Variants in SCARA5 observed in about 807,000 individuals in gnomAD.
SCARA5 encodes scavenger receptor class A, member 5 (putative).
SCARA5 carries 45 observed loss-of-function variants against 46.3 expected under a neutral mutation model. That is an observed-to-expected ratio of 0.97 (90% CI 0.76 to 1.24). The LOEUF (loss-of-function observed/expected upper bound fraction) is 1.24, where lower values mean the gene tolerates loss of function less well. Ranked by LOEUF, SCARA5 falls within the 50% of genes most tolerant of loss-of-function variation. SCARA5 has a pLI of 0.00. For missense variants in SCARA5, 680 were observed against 689.0 expected, an observed-to-expected ratio of 0.99 and a Z score of 0.15; for synonymous variants, 333 against 306.5, an observed-to-expected ratio of 1.09 and a Z score of -0.90.
chr8:27,929,003 G>A (rs529810916), intron 3 of SCARA5, among the ~76,000 whole-genome samples: 6 of 152,292 alleles, frequency 3.9e-5, no homozygotes, highest in Admixed American at 2.6e-4. Context: ...AAGCTTTGAA[G>A]GGAGTGAGTT....
At chr8:27,967,396 C>T (rs1183659925) in intron 2 of SCARA5, among the ~76,000 whole-genome samples, 1 of 152,156 alleles carries the variant, frequency 6.6e-6, no homozygotes, top group African/African-American at 2.4e-5. Flanking sequence ...TTCAAGGTGG[C>T]CTTCTCAGAT....
chr8:27,973,483 A>AT (rs1563199561), intron 2 of SCARA5, among the ~76,000 whole-genome samples: 46 of 152,246 alleles, frequency 3.0e-4, no homozygotes, highest in African/African-American at 9.9e-4. Context: ...TCTCAAATAA[A>AT]TAAATTAATT....
chr8:27,973,824 T>G (rs1420781779), intron 2 of SCARA5, among the ~76,000 whole-genome samples: 6 of 152,178 alleles, frequency 3.9e-5, no homozygotes, highest in Admixed American at 3.9e-4. Flanking sequence ...GCTTGACTTA[T>G]GGGGTGAAAA....
Position 27,879,623 on chromosome 8 carries a change from T to C in SCARA5, c.1297A>G (p.Met433Val). The C allele has an allele frequency of 1.2e-6, 2 of 1,611,934 alleles. No individual in the cohort carries two copies. The highest frequency in any genetic ancestry group is 1.7e-6 in the Non-Finnish European group (2 of 1,179,998). ...TCCTCCACACCGCGGAAGCCGAGCA[T>C]GCGGCACACCACGTCTCCGTCCTTC... ...DKKDGDVVCR[M>V]LGFRGVEEVY... Residue 433 changes from methionine to valine, a missense_variant, in exon 8 of 9, where the codon ATG becomes GTG. Around this residue, in one of 3 missense-constraint regions of SCARA5, gnomAD observed 219 missense variants for 269.5 expected, o/e 0.81. Transcript: ENST00000354914.
intron 2 of SCARA5, 76 bp from the exon 3 acceptor site, chr8:27,966,618 A>C: frequency 3.8e-4 from 546 of 1,452,166 alleles, no homozygotes; most frequent in Non-Finnish European, 4.5e-4. Context: ...TTTTGGTCTC[A>C]TCTCTCCCTG....
intron 3 of SCARA5, among the ~76,000 whole-genome samples, chr8:27,948,347 GCCCTC>G (rs1222302658): frequency 4.6e-5 from 7 of 152,170 alleles, no homozygotes; most frequent in African/African-American, 1.7e-4. Flanking sequence ...AGATATATGG[GCCCTC>G]TGGGAGGGAG....
intron 4 of SCARA5, among the ~76,000 whole-genome samples, chr8:27,912,604 A>C (rs938185147): frequency 2.6e-5 from 4 of 152,220 alleles, no homozygotes; most frequent in Admixed American, 2.0e-4. Flanking sequence ...GGCTGCAGCA[A>C]AGGGAACTGG....
At chr8:27,930,237 C>T (rs553479012) in intron 3 of SCARA5, among the ~76,000 whole-genome samples, 1 of 152,222 alleles carries the variant, frequency 6.6e-6, no homozygotes, top group African/African-American at 2.4e-5. Flanking sequence ...CGGTCTTTCT[C>T]GTGCTTTTCT....
rs76323543 is a variant in SCARA5, at chr8:27,876,310, T to C, written c.1351+3259A>G. On this transcript the variant is annotated intron_variant, in intron 8 of 8. Coordinates refer to ENST00000354914, the MANE Select transcript of SCARA5 (RefSeq NM_173833.6). ...GATCCGGGATTCTGACATGGGTGGT[T>C]TGACTCCAGGGCTGGGGCACTAACC... 5.8e-4 allele frequency among the ~76,000 whole-genome samples: 88 copies of C among 152,282 alleles called. No homozygotes were observed. The East Asian group carries it at 0.013, about 23-fold the overall frequency.
rs540739408 is a variant in SCARA5, at chr8:27,918,288, C to T, written c.916+3283G>A. Among the ~76,000 whole-genome samples the T allele has an allele frequency of 3.3e-5, 5 of 152,334 alleles. No homozygotes were observed. The South Asian group carries it at 6.2e-4, about 19-fold the overall frequency. ...TGCCAAAATCCTACCCTGCCCTCTA[C>T]AACATCTGCCTTAAACCACCTCATA... On this transcript the variant is annotated intron_variant, in intron 4 of 8. Transcript: ENST00000354914.
intron 2 of SCARA5, among the ~76,000 whole-genome samples, chr8:27,985,626 TAC>T (rs1049002082): frequency 6.6e-6 from 1 of 152,086 alleles, no homozygotes; most frequent in Non-Finnish European, 1.5e-5. Context: ...GGCAGATGAG[TAC>T]ACTGAGGCCC....
chr8:27,987,253 C>T (rs989368954), intron 2 of SCARA5, among the ~76,000 whole-genome samples: 1 of 152,196 alleles, frequency 6.6e-6, no homozygotes, highest in Non-Finnish European at 1.5e-5. Context: ...TGCTGGACCA[C>T]CATAAGACTG....
intron 7 of SCARA5, among the ~76,000 whole-genome samples, chr8:27,890,484 C>G (rs1044618535): frequency 6.6e-6 from 1 of 152,220 alleles, no homozygotes. Context: ...CTTAACATGA[C>G]ACGTGGCTGG....
intron 8 of SCARA5, among the ~76,000 whole-genome samples, chr8:27,875,958 A>G (rs1204823146): frequency 6.6e-6 from 1 of 152,198 alleles, no homozygotes; most frequent in Non-Finnish European, 1.5e-5. Context: ...CTATGATTGC[A>G]CCACTGCACT....
chr8:27,896,848 CTT>C (rs1484391138), intron 7 of SCARA5, among the ~76,000 whole-genome samples: 1 of 152,096 alleles, frequency 6.6e-6, no homozygotes, highest in Non-Finnish European at 1.5e-5. Flanking sequence ...AATCCAAACA[CTT>C]TGGGAGGCTG....
intron 3 of SCARA5, among the ~76,000 whole-genome samples, chr8:27,962,961 G>A (rs1032662991): frequency 1.4e-4 from 21 of 152,194 alleles, no homozygotes; most frequent in African/African-American, 4.3e-4. Context: ...ACTAATTTAA[G>A]GTGCAGGAGG....
At chr8:27,880,286 C>G (rs915161837) in intron 7 of SCARA5, among the ~76,000 whole-genome samples, 1 of 151,862 alleles carries the variant, frequency 6.6e-6, no homozygotes, top group Non-Finnish European at 1.5e-5. Flanking sequence ...TGGACATTGG[C>G]CTTGAAAAAG....
At chr8:27,937,863 C>G (rs527592807) in intron 3 of SCARA5, among the ~76,000 whole-genome samples, 1 of 152,168 alleles carries the variant, frequency 6.6e-6, no homozygotes, top group Non-Finnish European at 1.5e-5. Context: ...CTGGTCATAT[C>G]GGATCAGGGC....
intron 2 of SCARA5, among the ~76,000 whole-genome samples, chr8:27,979,845 G>A (rs1808587599): frequency 6.6e-6 from 1 of 152,166 alleles, no homozygotes; most frequent in Non-Finnish European, 1.5e-5. Context: ...ACAGGTGTGA[G>A]TCACCATGCC....
Sources: gnomAD v4.1 joint callset for allele counts (sites outside exome capture counted in the v4.1 genomes callset) on GRCh38, gnomAD v4.1.1 for gene constraint, gnomAD v4.1.1 regional missense constraint, MANE v1.5 for transcripts, NCBI Gene and HGNC (gene_info 2026-07-23, HGNC 2026-07-21) for gene names.